Variants in CCDC7 observed in about 807,000 individuals in gnomAD.
CCDC7 encodes the protein coiled-coil domain-containing protein 7.
Under a neutral mutation model 196.9 loss-of-function variants are expected in CCDC7, and 183 were observed. The observed-to-expected ratio is 0.93, with a 90% CI of 0.82 to 1.05. The LOEUF is 1.05. Ranked by LOEUF, CCDC7 falls within the 50% of genes least tolerant of loss-of-function variation. CCDC7 has a pLI of 0.00. For synonymous variants in CCDC7, 525 were observed against 484.6 expected, an observed-to-expected ratio of 1.08 and a Z score of -1.10; for missense variants, 1,540 against 1,482.2, an observed-to-expected ratio of 1.04 and a Z score of -0.64.
intron 3 of CCDC7, among the ~76,000 whole-genome samples, chr10:32,457,679 C>A (rs1025348719): frequency 2.6e-5 from 4 of 152,088 alleles, no homozygotes; most frequent in African/African-American, 9.7e-5. Flanking sequence ...TTCTCTGCAT[C>A]CTTGTCAGTA....
intron 29 of CCDC7, among the ~76,000 whole-genome samples, chr10:32,794,843 A>T (rs1477144158): frequency 6.6e-6 from 1 of 152,256 alleles, no homozygotes; most frequent in East Asian, 1.9e-4. Flanking sequence ...ATGCATAGTG[A>T]GGGTGAACAG....
intron 28 of CCDC7, among the ~76,000 whole-genome samples, chr10:32,772,453 G>A (rs1274229364): frequency 6.6e-6 from 1 of 152,198 alleles, no homozygotes; most frequent in African/African-American, 2.4e-5. Flanking sequence ...CCTGTTCACT[G>A]CAAAGCTAGG....
intron 25 of CCDC7, among the ~76,000 whole-genome samples, chr10:32,721,867 G>A (rs936463616): frequency 6.6e-6 from 1 of 152,104 alleles, no homozygotes; most frequent in African/African-American, 2.4e-5. Context: ...ATTGAAAAGA[G>A]TATACGAGAT....
intron 5 of CCDC7, among the ~76,000 whole-genome samples, chr10:32,466,097 G>A (rs568733270): frequency 1.3e-5 from 2 of 152,064 alleles, no homozygotes; most frequent in Non-Finnish European, 2.9e-5. Context: ...ATCACCAGGA[G>A]GAATCCCCAC....
intron 28 of CCDC7, among the ~76,000 whole-genome samples, chr10:32,739,654 GT>G (rs58246332): frequency 5.5e-4 from 79 of 143,036 alleles, no homozygotes; most frequent in East Asian, 1.4e-3. Context: ...TTCAGACTAT[GT>G]TTTTTTTTTT....
chr10:32,473,885 A>G, intron 7 of CCDC7, 82 bp from the exon 9 acceptor site: 1 of 1,300,952 alleles, frequency 7.7e-7, no homozygotes, highest in Non-Finnish European at 1.0e-6. Flanking sequence ...AGTTACTAAA[A>G]TTAAAACAAT....
chr10:32,812,169 A>C (rs747099658), intron 30 of CCDC7, among the ~76,000 whole-genome samples: 6 of 152,044 alleles, frequency 3.9e-5, no homozygotes, highest in Non-Finnish European at 7.4e-5. Context: ...TTTTATGCAC[A>C]CTATACATAT....
At chr10:32,699,441 C>T (rs1158988811) in intron 24 of CCDC7, among the ~76,000 whole-genome samples, 4 of 151,248 alleles carry the variant, frequency 2.6e-5, no homozygotes, top group Non-Finnish European at 5.9e-5. Context: ...ATTTTCTTAA[C>T]CCAGTCTATC....
At chr10:32,757,208 A>G (rs1435640459) in intron 28 of CCDC7, among the ~76,000 whole-genome samples, 1 of 152,208 alleles carries the variant, frequency 6.6e-6, no homozygotes, top group Non-Finnish European at 1.5e-5. Flanking sequence ...CAGAAAGTTG[A>G]CAAGGATATC....
At chr10:32,839,081 G>GA (rs35678057) in intron 33 of CCDC7, among the ~76,000 whole-genome samples, 4 of 151,394 alleles carry the variant, frequency 2.6e-5, no homozygotes, top group Non-Finnish European at 4.4e-5. Context: ...ACAGTGGGGA[G>GA]AAAAAAAGGT....
In CCDC7 at chr10:32,821,836, G is replaced by C. The variant is rs527627294; in HGVS notation, c.3182-2682G>C. On this transcript the variant is annotated intron_variant, in intron 31 of 41. Transcript: ENST00000639629. ...TGGGGTGGGGGTAGGGGGAGGGATA[G>C]CATTAGGAGATATACCTAATGTTAA... is the stretch of plus-strand genomic sequence containing the variant. Among the ~76,000 whole-genome samples, 382 of 152,244 alleles carry C rather than the reference G, an allele frequency of 2.5e-3. 1 individual carries two copies. Among genetic ancestry groups the C allele is most frequent in the Non-Finnish European group, 4.0e-3 (271 of 68,022 alleles).
At chr10:32,558,677 T>C (rs776022501) in intron 13 of CCDC7, among the ~76,000 whole-genome samples, 1 of 152,136 alleles carries the variant, frequency 6.6e-6, no homozygotes, top group Non-Finnish European at 1.5e-5. Flanking sequence ...AATTTACCTA[T>C]GAGGGAGCAG....
At chr10:32,467,261 C>T (rs2037009488) in intron 5 of CCDC7, among the ~76,000 whole-genome samples, 1 of 107,982 alleles carries the variant, frequency 9.3e-6, no homozygotes, top group Admixed American at 1.1e-4. Flanking sequence ...GCCACCATGC[C>T]CGGCTAATTT....
At chr10:32,848,633 A>G in exon 39 of CCDC7, 1 of 1,516,614 alleles carries the variant, frequency 6.6e-7, no homozygotes, top group Non-Finnish European at 9.2e-7. Context: ...TGTCCGTACA[A>G]CGTCAAGAAG....
chr10:32,833,353 T>TAAA (rs71185223), intron 32 of CCDC7, among the ~76,000 whole-genome samples: 6 of 149,966 alleles, frequency 4.0e-5, no homozygotes, highest in African/African-American at 1.5e-4. Flanking sequence ...ACCCTTTTTT[T>TAAA]AAAAAAAAAA....
chr10:32,837,127 G>T (rs1565663238), intron 33 of CCDC7, among the ~76,000 whole-genome samples: 2 of 152,132 alleles, frequency 1.3e-5, no homozygotes, highest in Non-Finnish European at 2.9e-5. Flanking sequence ...TACTATCAGA[G>T]TGAACAGGCA....
Position 32,735,919 on chromosome 10 carries a change from G to A in CCDC7, c.2905+6462G>A, listed in dbSNP as rs116083914. Among the ~76,000 whole-genome samples, 1,089 of 152,192 alleles carry A rather than the reference G, an allele frequency of 7.2e-3. 17 individuals carry two copies. The highest frequency in any genetic ancestry group is 0.024 in the African/African-American group (978 of 41,532). On this transcript the variant is annotated intron_variant, in intron 28 of 41. Transcript: ENST00000639629. ...ACTAGTTATTCCAACATCACTTGTT[G>A]AAAAGAGTCCTTTATTGAATTTCCT...
chr10:32,446,907 TCCC>T (rs2031313735), upstream of CCDC7, among the ~76,000 whole-genome samples: 1 of 76,126 alleles, frequency 1.3e-5, no homozygotes, highest in Non-Finnish European at 3.5e-5. Context: ...CCTGCCTGCC[TCCC>T]TCCCTCCCTC....
At chr10:32,790,109 C>A (rs2082457592) in intron 29 of CCDC7, among the ~76,000 whole-genome samples, 2 of 152,190 alleles carry the variant, frequency 1.3e-5, no homozygotes, top group Non-Finnish European at 2.9e-5. Context: ...GTGCCTGCAG[C>A]TTTCCCAGAC....
Sources: allele counts gnomAD v4.1 joint callset (sites outside exome capture counted in the v4.1 genomes callset), GRCh38; gene constraint gnomAD v4.1.1; transcripts MANE v1.5; gene names NCBI Gene and HGNC (gene_info 2026-07-23, HGNC 2026-07-21).